Variants in TASP1 observed in about 807,000 individuals in gnomAD.
TASP1 encodes the protein threonine aspartase 1.
A neutral mutation model predicts 56.6 loss-of-function variants in TASP1; 16 were observed. The observed-to-expected ratio is 0.28, with a 90% CI of 0.19 to 0.43. TASP1 has a LOEUF of 0.43. Ranked by LOEUF, TASP1 falls within the 20% of genes least tolerant of loss-of-function variation. TASP1 has a pLI of 1.00. For synonymous variants in TASP1, 179 were observed against 184.2 expected, an observed-to-expected ratio of 0.97 and a Z score of 0.23; for missense variants, 393 against 511.6, an observed-to-expected ratio of 0.77 and a Z score of 2.24.
the TASP1 span, among the ~76,000 whole-genome samples, chr20:13,319,651 T>A: frequency 1.3e-5 from 2 of 152,234 alleles, no homozygotes; most frequent in Non-Finnish European, 2.9e-5. Flanking sequence ...TCCAGAGTTC[T>A]AAGGTTGCTA....
At chr20:13,392,895 C>A in intron 13 of TASP1, 1 of 651,062 alleles carries the variant, frequency 1.5e-6, no homozygotes, top group Non-Finnish European at 2.9e-6. Context: ...GAAATCCCAT[C>A]AGCATCTTTC....
At chr20:13,205,114 C>G in the TASP1 span, among the ~76,000 whole-genome samples, 1 of 152,074 alleles carries the variant, frequency 6.6e-6, no homozygotes, top group Admixed American at 6.5e-5. Flanking sequence ...CTGCTTGGGA[C>G]CTTTTGCTGT....
At chr20:13,229,912 T>C in the TASP1 span, among the ~76,000 whole-genome samples, 16 of 152,296 alleles carry the variant, frequency 1.1e-4, no homozygotes, top group Admixed American at 7.8e-4. Flanking sequence ...ACCTCCTCCA[T>C]AGAATTAATA....
intron 8 of TASP1, among the ~76,000 whole-genome samples, chr20:13,537,556 C>A (rs572304686): frequency 6.6e-6 from 1 of 152,096 alleles, no homozygotes; most frequent in South Asian, 2.1e-4. Context: ...ATGACTGTTA[C>A]TATATAGAGC....
chr20:13,252,905 C>T, the TASP1 span, among the ~76,000 whole-genome samples: 1 of 152,224 alleles, frequency 6.6e-6, no homozygotes, highest in Non-Finnish European at 1.5e-5. Flanking sequence ...TTTCTCCTCT[C>T]TCTTAGGCCC....
At chr20:13,407,708 G>C (rs1459401471) in intron 13 of TASP1, among the ~76,000 whole-genome samples, 1 of 152,084 alleles carries the variant, frequency 6.6e-6, no homozygotes, top group Non-Finnish European at 1.5e-5. Flanking sequence ...ATATATGAGG[G>C]TTCCAATTTC....
the TASP1 span, among the ~76,000 whole-genome samples, chr20:13,282,294 C>G: frequency 1.3e-5 from 2 of 152,170 alleles, no homozygotes; most frequent in Non-Finnish European, 2.9e-5. Context: ...TCTCCATCTC[C>G]TGAATGAGAA....
chr20:13,409,431 A>C (rs1404313637), intron 13 of TASP1, among the ~76,000 whole-genome samples: 1 of 152,078 alleles, frequency 6.6e-6, no homozygotes, highest in Admixed American at 6.5e-5. Flanking sequence ...ATATACATTT[A>C]GACGTTTTAT....
the TASP1 span, among the ~76,000 whole-genome samples, chr20:13,115,362 C>T: frequency 1.3e-5 from 2 of 152,106 alleles, no homozygotes; most frequent in African/African-American, 4.8e-5. Flanking sequence ...AGTCATTAAT[C>T]TTAGAGGAAG....
At chr20:13,319,610 T>C in the TASP1 span, among the ~76,000 whole-genome samples, 1 of 152,236 alleles carries the variant, frequency 6.6e-6, no homozygotes, top group Admixed American at 6.5e-5. Context: ...TCTCCTTTAT[T>C]TGTCAAAACA....
intron 8 of TASP1, among the ~76,000 whole-genome samples, chr20:13,541,911 G>A (rs576107444): frequency 4.6e-5 from 7 of 152,048 alleles, no homozygotes; most frequent in African/African-American, 1.4e-4. Flanking sequence ...CAGGCATGGC[G>A]GTGTGTGCCC....
intron 4 of TASP1, among the ~76,000 whole-genome samples, chr20:13,602,498 A>G (rs2048000286): frequency 6.6e-6 from 1 of 152,162 alleles, no homozygotes; most frequent in Non-Finnish European, 1.5e-5. Flanking sequence ...TTAAGATGCT[A>G]ATTAGGGAAA....
intron 10 of TASP1, among the ~76,000 whole-genome samples, chr20:13,501,553 C>T (rs1178136395): frequency 1.4e-4 from 22 of 151,780 alleles, no homozygotes; most frequent in Non-Finnish European, 2.9e-5. Flanking sequence ...ACAGCAACTA[C>T]AGAAAACATA....
chr20:13,252,259 A>G, the TASP1 span, among the ~76,000 whole-genome samples: 1 of 152,230 alleles, frequency 6.6e-6, no homozygotes, highest in Non-Finnish European at 1.5e-5. Flanking sequence ...TCCTTGGAGT[A>G]GGGACCATTT....
rs887628066 is a variant in TASP1 at position 13,393,003 on chromosome 20, T to G, written c.1171-2551A>C. 5.2e-6 allele frequency: 3 copies of G among 580,958 alleles called. No homozygotes were observed. The African/African-American group carries it at 5.6e-5, about 11-fold the overall frequency. The allele number at this position is 580,958 out of a possible 1,614,324, so 36.0% of individuals were successfully genotyped here. ...TCACGACCATGGAGAAGGCTGGAGC[T>G]CACTTGCAGCAGGGAGCCAAAAGGG... On this transcript the variant is annotated intron_variant, in intron 13 of 13. Coordinates refer to ENST00000337743, the MANE Select transcript of TASP1 (RefSeq NM_017714.3).
intron 11 of TASP1, among the ~76,000 whole-genome samples, chr20:13,456,397 A>T (rs1381462101): frequency 2.0e-5 from 3 of 152,120 alleles, no homozygotes; most frequent in African/African-American, 7.2e-5. Flanking sequence ...GAAAGTTTTG[A>T]TGGAAAATCA....
the TASP1 span, among the ~76,000 whole-genome samples, chr20:13,313,318 T>G: frequency 6.6e-6 from 1 of 152,252 alleles, no homozygotes; most frequent in Non-Finnish European, 1.5e-5. Context: ...TAAAGGTTTC[T>G]CTGCAAATAG....
chr20:13,358,111 C>T, the TASP1 span, among the ~76,000 whole-genome samples: 1 of 152,058 alleles, frequency 6.6e-6, no homozygotes, highest in African/African-American at 2.4e-5. Context: ...AAAAGCACCC[C>T]CACTGAGCAC....
chr20:13,519,871 C>T lies in TASP1; in HGVS notation c.874+8562G>A, dbSNP rs2044673873. 2.0e-5 allele frequency among the ~76,000 whole-genome samples: 3 copies of T among 152,266 alleles called. No homozygotes were observed. In the South Asian group the frequency reaches 6.2e-4, roughly 32 times the overall value. ...ATGACATGATTGTATATCTAGAAAA[C>T]CTCATTGTCTCAGCCCAAAATCTCC... On this transcript the variant is annotated intron_variant, in intron 10 of 13. Coordinates refer to ENST00000337743, the MANE Select transcript of TASP1 (RefSeq NM_017714.3).
Sources: allele counts gnomAD v4.1 joint callset (sites outside exome capture counted in the v4.1 genomes callset), GRCh38; gene constraint gnomAD v4.1.1; transcripts MANE v1.5; gene names NCBI Gene and HGNC (gene_info 2026-07-23, HGNC 2026-07-21).